Variants in UBR1 observed in about 807,000 individuals in gnomAD.
UBR1 encodes ubiquitin protein ligase E3 component n-recognin 1.
In UBR1, 102 loss-of-function variants were observed where a neutral mutation model predicts 242.1. The ratio of observed to expected loss-of-function variants is 0.42; its 90% CI spans 0.36 to 0.50. The LOEUF is 0.50. Among genes scored for constraint, UBR1 ranks in the 20% least tolerant of loss-of-function variants. The probability of loss-of-function intolerance (pLI) is 0.01; values close to 1 mark genes in which losing one functional copy is unlikely to be tolerated. For synonymous variants in UBR1, 675 were observed against 684.8 expected (o/e 0.99, Z 0.22); for missense variants, 1,772 against 2,101.8 (o/e 0.84, Z 3.07).
chr15:42,960,526 A>T, intron 43 of UBR1, 119 bp downstream of exon 43: 1 of 1,037,204 alleles, frequency 9.6e-7, no homozygotes, highest in Non-Finnish European at 1.5e-6. Context: ...AACAGAAATC[A>T]GGAACACTGT....
chr15:42,965,943 G>A (rs1350698302), intron 41 of UBR1, among the ~76,000 whole-genome samples: 1 of 152,202 alleles, frequency 6.6e-6, no homozygotes, highest in Non-Finnish European at 1.5e-5. Flanking sequence ...AGATAGGAGC[G>A]AAGAGTAGGT....
chr15:42,962,235 G>A (rs964640284), intron 42 of UBR1, among the ~76,000 whole-genome samples: 1 of 152,108 alleles, frequency 6.6e-6, no homozygotes, highest in African/African-American at 2.4e-5. Context: ...TTTAACAGGA[G>A]TTAGTAATAA....
intron 29 of UBR1, among the ~76,000 whole-genome samples, chr15:43,013,125 GAACT>G (rs2032951531): frequency 6.6e-6 from 1 of 152,088 alleles, no homozygotes; most frequent in African/African-American, 2.4e-5. Flanking sequence ...GGCTGGTCTC[GAACT>G]CCTGACCTCA....
chr15:42,955,807 A>G (rs1386549098), intron 44 of UBR1, among the ~76,000 whole-genome samples: 3 of 152,244 alleles, frequency 2.0e-5, no homozygotes, highest in African/African-American at 7.2e-5. Flanking sequence ...CAAGGTAAGC[A>G]TAATAAGATA....
chr15:43,075,123 A>C, intron 3 of UBR1, 34 bp from the exon 4 acceptor site: 3 of 1,481,314 alleles, frequency 2.0e-6, no homozygotes, highest in Non-Finnish European at 2.8e-6. Flanking sequence ...TCTTGATTTC[A>C]AACATTTTAC....
chr15:42,944,882 T>C lies in UBR1; in HGVS notation c.*447A>G, dbSNP rs1249720974. 1.6e-5 allele frequency: 3 copies of C among 192,274 alleles called. No individual in the cohort carries two copies. The highest frequency in any genetic ancestry group is 7.1e-5 in the African/African-American group (3 of 41,996). 11.9% of individuals were successfully genotyped at this position (192,274 alleles called of 1,614,324 possible). A position where few individuals can be genotyped will look rare whatever the true frequency, so the allele number is the denominator to read the frequency against. On this transcript the variant is annotated 3_prime_UTR_variant, in exon 47 of 47. Transcript: ENST00000290650. ...CAAGTATATTGCATGGTTTCTGCAA[T>C]TCTTCTTTAACTGCAAGGAAGACTA...
At chr15:42,946,269 T>A (rs762607370) in intron 46 of UBR1, among the ~76,000 whole-genome samples, 26 of 151,952 alleles carry the variant, frequency 1.7e-4, no homozygotes, top group Non-Finnish European at 2.6e-4. Flanking sequence ...GGATTACAGG[T>A]GCCCGCCACG....
At chr15:42,982,399 T>C (rs1314661340) in intron 37 of UBR1, among the ~76,000 whole-genome samples, 1 of 152,178 alleles carries the variant, frequency 6.6e-6, no homozygotes. Context: ...GTTCTGGCCC[T>C]GTGCAACTGA....
intron 21 of UBR1, among the ~76,000 whole-genome samples, 182 bp from the exon 22 acceptor site, chr15:43,028,010 G>A (rs576825952): frequency 2.0e-5 from 3 of 152,076 alleles, no homozygotes; most frequent in African/African-American, 4.8e-5. Flanking sequence ...GACCAACTTC[G>A]TAAGAGGTAA....
At chr15:43,037,734 G>T in intron 17 of UBR1, 39 bp downstream of exon 17, 1 of 1,563,400 alleles carries the variant, frequency 6.4e-7, no homozygotes, top group South Asian at 1.1e-5. Flanking sequence ...ATTAGAAAAT[G>T]AGCACATTCA....
chr15:43,060,941 G>GA (rs11302662), intron 6 of UBR1, among the ~76,000 whole-genome samples: 3,215 of 125,160 alleles, frequency 0.026, 46 homozygotes, highest in Middle Eastern at 0.036. Context: ...TGCCATTACA[G>GA]AAAAAAAAAA....
intron 8 of UBR1, 91 bp downstream of exon 8, chr15:43,059,607 AAAAC>A: frequency 3.4e-6 from 5 of 1,472,102 alleles, no homozygotes; most frequent in African/African-American, 1.4e-5. Flanking sequence ...AAAAAAAAGA[AAAAC>A]TTTATTTCAT....
At chr15:43,050,216 A>C (rs1259221003) in intron 12 of UBR1, among the ~76,000 whole-genome samples, 1 of 152,036 alleles carries the variant, frequency 6.6e-6, no homozygotes, top group Non-Finnish European at 1.5e-5. Context: ...TCCAAAGCAC[A>C]TGAGCCAACG....
At chr15:43,045,210 G>A (rs1596116900) in intron 14 of UBR1, among the ~76,000 whole-genome samples, 1 of 152,156 alleles carries the variant, frequency 6.6e-6, no homozygotes, top group Admixed American at 6.5e-5. Flanking sequence ...TATAATCCCA[G>A]CACTTTGGGA....
At chr15:43,101,242 A>G (rs1431421192) in intron 1 of UBR1, among the ~76,000 whole-genome samples, 1 of 152,194 alleles carries the variant, frequency 6.6e-6, no homozygotes, top group African/African-American at 2.4e-5. Flanking sequence ...AGAGAAAGCC[A>G]CTGAGGATTT....
At chr15:43,055,042 A>C in intron 11 of UBR1, 143 bp from the exon 12 acceptor site, 1 of 988,456 alleles carries the variant, frequency 1.0e-6, no homozygotes, top group Non-Finnish European at 1.5e-6. Context: ...AGTTTCACTG[A>C]ATAGCAACTA....
At chr15:43,031,459 A>T (rs892465748) in intron 20 of UBR1, among the ~76,000 whole-genome samples, 1 of 152,208 alleles carries the variant, frequency 6.6e-6, no homozygotes, top group Non-Finnish European at 1.5e-5. Flanking sequence ...TCTTTTACAC[A>T]TTCTTAATTT....
chr15:43,024,210 T>C (rs1306380858), intron 25 of UBR1, among the ~76,000 whole-genome samples: 2 of 152,206 alleles, frequency 1.3e-5, no homozygotes, highest in African/African-American at 4.8e-5. Flanking sequence ...GAGGCACACA[T>C]ATGGCAATGA....
intron 41 of UBR1, among the ~76,000 whole-genome samples, 166 bp from the exon 42 acceptor site, chr15:42,964,209 C>T (rs530252054): frequency 8.7e-4 from 133 of 152,140 alleles, no homozygotes; most frequent in African/African-American, 3.0e-3. Context: ...GTGGCTCATG[C>T]CTGTAATCCC....
Sources: allele counts gnomAD v4.1 joint callset (sites outside exome capture counted in the v4.1 genomes callset), GRCh38; gene constraint gnomAD v4.1.1; transcripts MANE v1.5; gene names NCBI Gene and HGNC (gene_info 2026-07-23, HGNC 2026-07-21).